KIAA0232: variants seen among roughly 807,000 people sequenced by gnomAD.
KIAA0232 encodes KIAA0232.
KIAA0232 carries 27 observed loss-of-function variants against 122.0 expected under a neutral mutation model. The ratio of observed to expected loss-of-function variants is 0.22; its 90% CI spans 0.16 to 0.31. The LOEUF is 0.31. KIAA0232 is among the 10% of genes least tolerant of loss of function. The pLI, the probability that KIAA0232 is intolerant of heterozygous loss-of-function variation, is 1.00. For synonymous variants in KIAA0232, 613 were observed against 587.6 expected, an observed-to-expected ratio of 1.04 and a Z score of -0.63; for missense variants, 1,551 against 1,634.2, an observed-to-expected ratio of 0.95 and a Z score of 0.88.
At chr4:6,846,874 C>G (rs1719994489) in intron 4 of KIAA0232, among the ~76,000 whole-genome samples, 1 of 152,106 alleles carries the variant, frequency 6.6e-6, no homozygotes, top group African/African-American at 2.4e-5. Context: ...TATAAGTATG[C>G]TCATTTCCTG....
intron 2 of KIAA0232, among the ~76,000 whole-genome samples, chr4:6,819,248 T>C (rs533237180): frequency 6.4e-4 from 98 of 152,252 alleles, no homozygotes; most frequent in Non-Finnish European, 1.2e-3. Context: ...AAAGAGCTTA[T>C]GTACAGCAAA....
intron 9 of KIAA0232, among the ~76,000 whole-genome samples, chr4:6,877,265 A>C (rs1490275271): frequency 6.6e-6 from 1 of 152,112 alleles, no homozygotes; most frequent in Non-Finnish European, 1.5e-5. Context: ...TAGCCAGAGC[A>C]TGTACTTGCG....
chr4:6,850,307 C>T (rs894812943), intron 4 of KIAA0232, among the ~76,000 whole-genome samples: 1 of 152,164 alleles, frequency 6.6e-6, no homozygotes, highest in African/African-American at 2.4e-5. Context: ...TGTACGCTTT[C>T]CTAATGACTT....
intron 3 of KIAA0232, among the ~76,000 whole-genome samples, chr4:6,831,933 C>G (rs1194655464): frequency 6.6e-6 from 1 of 152,252 alleles, no homozygotes; most frequent in African/African-American, 2.4e-5. Flanking sequence ...AAGGAAGCAG[C>G]TGCAGATGTC....
intron 2 of KIAA0232, among the ~76,000 whole-genome samples, chr4:6,812,419 T>C (rs1717919776): frequency 6.6e-6 from 1 of 152,076 alleles, no homozygotes; most frequent in South Asian, 2.1e-4. Context: ...TAGAACGCCA[T>C]GGGGGTGACA....
In KIAA0232 at chr4:6,832,043, G is replaced by A. The variant is rs75199211; in HGVS notation, c.231+7359G>A. 3.0e-3 allele frequency among the ~76,000 whole-genome samples: 456 copies of A among 152,286 alleles called. 2 individuals are homozygous for A. Among genetic ancestry groups the A allele is most frequent in the African/African-American group, 0.01 (436 of 41,568 alleles). On this transcript the variant is annotated intron_variant, in intron 3 of 9. Coordinates refer to ENST00000307659, the MANE Select transcript of KIAA0232 (RefSeq NM_014743.3). ...TGATGCCCTGCAGAAGGTGATGTAG[G>A]TTTGGTTTGTCTTTGTGTCGTTATT...
intron 7 of KIAA0232, among the ~76,000 whole-genome samples, chr4:6,864,729 C>T (rs1343495656): frequency 2.5e-5 from 3 of 118,422 alleles, no homozygotes; most frequent in Non-Finnish European, 5.2e-5. Context: ...CAGGGTGAGA[C>T]TCCATCTCAA....
At chr4:6,784,848 A>G (rs1325488340) in intron 1 of KIAA0232, among the ~76,000 whole-genome samples, 3 of 152,160 alleles carry the variant, frequency 2.0e-5, no homozygotes, top group Admixed American at 6.5e-5. Context: ...GAGAAAAAGT[A>G]TAGGTCTTTA....
chr4:6,855,996 A>C lies in KIAA0232; in HGVS notation c.370-1168A>C, dbSNP rs923321830. On this transcript the variant is annotated intron_variant, in intron 4 of 9. Transcript: ENST00000307659. The surrounding 1 kb of genome is among the most constrained non-coding windows in gnomAD (Gnocchi z 4.3). ...AAGAGTGTTTTTAAAGGAAAGGGCA[A>C]CTCTTGTCTGGCCTATTTTTCTATC... is the stretch of plus-strand genomic sequence containing the variant. 1 of 288,612 alleles carries C rather than the reference A, an allele frequency of 3.5e-6. No homozygotes were observed. The highest frequency in any genetic ancestry group is 2.3e-5 in the African/African-American group (1 of 43,736). 17.9% of individuals were successfully genotyped at this position (288,612 alleles called of 1,614,324 possible).
chr4:6,818,510 A>G (rs769495602), intron 2 of KIAA0232, among the ~76,000 whole-genome samples: 9 of 151,642 alleles, frequency 5.9e-5, no homozygotes, highest in Non-Finnish European at 1.2e-4. Context: ...CACACTACCT[A>G]GGAGTACATC....
chr4:6,804,542 G>A lies in KIAA0232; in HGVS notation c.-334G>A, dbSNP rs1335487682. On this transcript the variant is annotated 5_prime_UTR_variant, in exon 2 of 10. Transcript: ENST00000307659. The stretch of plus-strand genomic sequence containing the variant: ...GTGTAGGTAGTGTACACTGATAAAG[G>A]TAGGGCGCGGTGGACTCTGCCCCTG... 2.0e-5 allele frequency: 3 copies of A among 152,176 alleles called. No homozygotes were observed. Among genetic ancestry groups the A allele is most frequent in the African/African-American group, 7.2e-5 (3 of 41,434 alleles). 9.4% of individuals were successfully genotyped at this position (152,176 alleles called of 1,614,324 possible).
At chr4:6,809,080 A>G (rs953603718) in intron 2 of KIAA0232, among the ~76,000 whole-genome samples, 7 of 152,230 alleles carry the variant, frequency 4.6e-5, no homozygotes, top group Non-Finnish European at 8.8e-5. Context: ...GGGCTTCTTC[A>G]GGAAGGCAGG....
At chr4:6,830,403 C>CTTT (rs10714574) in intron 3 of KIAA0232, among the ~76,000 whole-genome samples, 30 of 75,534 alleles carry the variant, frequency 4.0e-4, no homozygotes, top group African/African-American at 1.2e-3. Flanking sequence ...TCTCTGTTGT[C>CTTT]TTTTTTTTTT....
intron 3 of KIAA0232, among the ~76,000 whole-genome samples, chr4:6,830,260 G>T (rs889655079): frequency 6.6e-6 from 1 of 152,094 alleles, no homozygotes; most frequent in Non-Finnish European, 1.5e-5. Context: ...CTTGCCCAAG[G>T]CCACACAGCT....
intron 3 of KIAA0232, among the ~76,000 whole-genome samples, chr4:6,826,178 T>C (rs529224414): frequency 1.2e-3 from 177 of 152,326 alleles, no homozygotes; most frequent in African/African-American, 4.0e-3. Flanking sequence ...TTTCTCATCA[T>C]GTCTAGCTGG....
chr4:6,869,694 T>C (rs1364389711), intron 7 of KIAA0232, among the ~76,000 whole-genome samples: 2 of 152,226 alleles, frequency 1.3e-5, no homozygotes, highest in Non-Finnish European at 2.9e-5. Context: ...GACTTAGGAG[T>C]GTTTCCGAAA....
At chr4:6,794,320 GATGGAAGC>G (rs1206917491) in intron 1 of KIAA0232, among the ~76,000 whole-genome samples, 4 of 152,220 alleles carry the variant, frequency 2.6e-5, no homozygotes, top group Non-Finnish European at 5.9e-5. Context: ...GGGGCAGCCT[GATGGAAGC>G]ATGGCTTGGT....
chr4:6,793,137 C>T (rs866394146), intron 1 of KIAA0232, among the ~76,000 whole-genome samples: 2 of 152,224 alleles, frequency 1.3e-5, no homozygotes, highest in African/African-American at 4.8e-5. Flanking sequence ...TGAGTGACTA[C>T]CATTAACATT....
At chr4:6,833,643 AAAAG>A (rs1330960044) in intron 3 of KIAA0232, among the ~76,000 whole-genome samples, 7 of 152,178 alleles carry the variant, frequency 4.6e-5, no homozygotes, top group South Asian at 2.1e-4. Context: ...AAAAAGGAAA[AAAAG>A]AAAAAAAAAG....
Sources: allele counts gnomAD v4.1 joint callset (sites outside exome capture counted in the v4.1 genomes callset), GRCh38; gene constraint gnomAD v4.1.1; non-coding constraint Gnocchi (gnomAD v3.1); transcripts MANE v1.5; gene names NCBI Gene and HGNC (gene_info 2026-07-23, HGNC 2026-07-21).